The following MDGA2 variants were observed in gnomAD, a reference collection of about 807,000 sequenced individuals.
The protein encoded by MDGA2 is MAM domain containing glycosylphosphatidylinositol anchor 2.
Under a neutral mutation model 117.8 loss-of-function variants are expected in MDGA2, and 40 were observed. The observed-to-expected ratio is 0.34, with a 90% confidence interval of 0.26 to 0.44. The LOEUF (loss-of-function observed/expected upper bound fraction) is 0.44. Among genes scored for constraint, MDGA2 ranks in the 20% least tolerant of loss-of-function variants. MDGA2 has a pLI of 1.00. For missense variants in MDGA2, 1,123 were observed against 1,250.6 expected (o/e 0.90, Z 1.54); for synonymous variants, 452 against 439.0 (o/e 1.03, Z -0.37).
intron 1 of MDGA2, among the ~76,000 whole-genome samples, chr14:47,411,527 A>C (rs1391933946): frequency 6.6e-6 from 1 of 152,182 alleles, no homozygotes; most frequent in Non-Finnish European, 1.5e-5. Context: ...CAATTATTTA[A>C]ATTTTATTAC....
At position 47,289,620 on chromosome 14, in the gene MDGA2, T is replaced by C. The variant is rs940070266; in HGVS notation, c.420+11791A>G. Among the ~76,000 whole-genome samples the C allele has an allele frequency of 5.3e-5, 8 of 152,206 alleles. No individual in the cohort carries two copies. The South Asian group carries it at 1.2e-3, about 24-fold the overall frequency. On this transcript the variant is annotated intron_variant, in intron 2 of 16. Coordinates refer to ENST00000399232, the MANE Select transcript of MDGA2 (RefSeq NM_001113498.3). ...TTCAGAATTTCCACATTAAAAAAAT[T>C]ACAACTGTTTTCCTTAAAATGATAT...
chr14:46,932,821 G>A (rs1294093717), intron 9 of MDGA2, among the ~76,000 whole-genome samples: 1 of 147,624 alleles, frequency 6.8e-6, no homozygotes, highest in African/African-American at 2.5e-5. Flanking sequence ...TTTTTTTTTT[G>A]AAATTAAACT....
chr14:46,935,396 G>A (rs1164888936), intron 9 of MDGA2, among the ~76,000 whole-genome samples: 2 of 152,002 alleles, frequency 1.3e-5, no homozygotes, highest in African/African-American at 2.4e-5. Flanking sequence ...AAAGTATCTA[G>A]TCAATCATAT....
At chr14:46,903,098 G>A (rs541213400) in intron 10 of MDGA2, among the ~76,000 whole-genome samples, 1 of 152,128 alleles carries the variant, frequency 6.6e-6, no homozygotes, top group Non-Finnish European at 1.5e-5. Context: ...AGGTGGGAGC[G>A]CTGGCAGGAA....
chr14:47,285,331 A>AT (rs891707732), intron 2 of MDGA2, among the ~76,000 whole-genome samples: 4 of 151,768 alleles, frequency 2.6e-5, no homozygotes, highest in East Asian at 1.9e-4. Flanking sequence ...TACTAAATTG[A>AT]TTTTTTTTCC....
chr14:47,627,578 G>C (rs1369105285), intron 1 of MDGA2, among the ~76,000 whole-genome samples: 7 of 152,132 alleles, frequency 4.6e-5, no homozygotes, highest in African/African-American at 1.7e-4. Flanking sequence ...GATTGCAAAG[G>C]CACCAATCAG....
chr14:47,144,275 C>A lies in MDGA2; in HGVS notation c.596-1G>T. 1 of 1,544,684 alleles carries A rather than the reference C, an allele frequency of 6.5e-7. No homozygotes were observed. Among genetic ancestry groups the A allele is most frequent in the Non-Finnish European group, 8.7e-7 (1 of 1,143,246 alleles). ...ACAGTTACTACTGGATCATCCAAAT[C>A]TAAAGGAAATAAAAACAACCAAATG... On this transcript the variant is annotated splice_acceptor_variant, in intron 3 of 16. Coordinates refer to ENST00000399232, the MANE Select transcript of MDGA2 (RefSeq NM_001113498.3). LOFTEE classifies it high-confidence loss of function.
intron 3 of MDGA2, among the ~76,000 whole-genome samples, chr14:47,163,636 G>A (rs1423646036): frequency 6.6e-6 from 1 of 152,124 alleles, no homozygotes; most frequent in African/African-American, 2.4e-5. Flanking sequence ...TTTGTAAATT[G>A]CCCTGTCTCT....
chr14:47,631,930 G>GTT (rs60646667), intron 1 of MDGA2, among the ~76,000 whole-genome samples: 15,441 of 145,044 alleles, frequency 0.11, 1,076 homozygotes, highest in Non-Finnish European at 0.17. Context: ...ATTTTTTTAA[G>GTT]TTTTTTTTTT....
chr14:46,868,204 A>G (rs1033610826), intron 14 of MDGA2, among the ~76,000 whole-genome samples: 4 of 151,954 alleles, frequency 2.6e-5, no homozygotes, highest in Non-Finnish European at 5.9e-5. Context: ...TGGGAACAAA[A>G]GGAGCAGAGA....
chr14:47,159,846 G>A (rs954820148), intron 3 of MDGA2, among the ~76,000 whole-genome samples: 8 of 151,954 alleles, frequency 5.3e-5, no homozygotes, highest in Non-Finnish European at 1.2e-4. Flanking sequence ...GTATATTATG[G>A]AGAATCTTTT....
At chr14:47,537,177 C>G (rs569523806) in intron 1 of MDGA2, among the ~76,000 whole-genome samples, 1 of 151,932 alleles carries the variant, frequency 6.6e-6, no homozygotes, top group African/African-American at 2.4e-5. Context: ...ATTCTGCCAA[C>G]TGTCATTCTC....
chr14:47,589,274 T>C (rs1390880160), intron 1 of MDGA2, among the ~76,000 whole-genome samples: 1 of 152,040 alleles, frequency 6.6e-6, no homozygotes, highest in Admixed American at 6.6e-5. Context: ...CTCATGAAGA[T>C]TTAGGCCTAC....
chr14:47,020,551 A>T (rs902053446), intron 8 of MDGA2, among the ~76,000 whole-genome samples: 1 of 152,108 alleles, frequency 6.6e-6, no homozygotes, highest in African/African-American at 2.4e-5. Context: ...GTATGTATGA[A>T]TGTATGTGTG....
chr14:47,608,017 G>A (rs1955794), intron 1 of MDGA2, among the ~76,000 whole-genome samples: 24,110 of 151,710 alleles, frequency 0.16, 1,999 homozygotes, highest in East Asian at 0.24. Flanking sequence ...AGCTCTAAAA[G>A]ACTTGTCATT....
intron 2 of MDGA2, among the ~76,000 whole-genome samples, chr14:47,233,865 T>A (rs1886772655): frequency 6.6e-6 from 1 of 152,084 alleles, no homozygotes; most frequent in South Asian, 2.1e-4. Flanking sequence ...CTTTAAAAGT[T>A]ATGAATTAGA....
intron 7 of MDGA2, among the ~76,000 whole-genome samples, chr14:47,057,728 T>TTGCCC (rs1210077047): frequency 2.1e-5 from 3 of 145,532 alleles, no homozygotes; most frequent in Admixed American, 6.9e-5. Flanking sequence ...CTGCCCTACC[T>TTGCCC]TGCCCTGCCC....
At chr14:47,642,241 T>G (rs1897439697) in intron 1 of MDGA2, among the ~76,000 whole-genome samples, 1 of 152,080 alleles carries the variant, frequency 6.6e-6, no homozygotes. Flanking sequence ...AAAATGGGAA[T>G]TATTTTGGTA....
At chr14:47,081,230 T>C (rs1890697929) in intron 6 of MDGA2, among the ~76,000 whole-genome samples, 1 of 152,160 alleles carries the variant, frequency 6.6e-6, no homozygotes, top group East Asian at 1.9e-4. Flanking sequence ...TTGTAGCTCT[T>C]AAATGTATAC....
Sources: allele counts gnomAD v4.1 joint callset (sites outside exome capture counted in the v4.1 genomes callset), GRCh38; gene constraint gnomAD v4.1.1; transcripts MANE v1.5; gene names NCBI Gene and HGNC (gene_info 2026-07-23, HGNC 2026-07-21).